The following MAGI1 variants were observed in gnomAD, a reference collection of about 807,000 sequenced individuals.
MAGI1 encodes membrane associated guanylate kinase, WW and PDZ domain containing 1.
MAGI1 carries 58 observed loss-of-function variants against 139.9 expected under a neutral mutation model. The ratio of observed to expected loss-of-function variants is 0.41; its 90% CI spans 0.34 to 0.52. The LOEUF is 0.52. MAGI1 is among the 20% of genes least tolerant of loss of function. The pLI, the probability that MAGI1 is intolerant of heterozygous loss-of-function variation, is 0.12. For missense variants in MAGI1, 1,874 were observed against 1,901.6 expected (o/e 0.99, Z 0.27); for synonymous variants, 812 against 737.9 (o/e 1.10, Z -1.63).
intron 3 of MAGI1, among the ~76,000 whole-genome samples, chr3:65,490,459 T>C (rs538201523): frequency 2.0e-4 from 31 of 152,246 alleles, no homozygotes; most frequent in Admixed American, 1.3e-3. Flanking sequence ...CCAGCCCTAC[T>C]CCGATGAGGG....
At chr3:65,573,935 C>T (rs768579266) in intron 2 of MAGI1, among the ~76,000 whole-genome samples, 8 of 152,030 alleles carry the variant, frequency 5.3e-5, no homozygotes, top group Non-Finnish European at 1.2e-4. Flanking sequence ...CTACTAATTA[C>T]TCAACTACCA....
chr3:65,753,189 G>C (rs2036290001), intron 1 of MAGI1, among the ~76,000 whole-genome samples: 1 of 152,076 alleles, frequency 6.6e-6, no homozygotes, highest in Non-Finnish European at 1.5e-5. Flanking sequence ...AACTGAAACT[G>C]AGTGCCCGAG....
At chr3:65,861,413 T>G (rs948347153) in intron 1 of MAGI1, among the ~76,000 whole-genome samples, 6 of 152,196 alleles carry the variant, frequency 3.9e-5, no homozygotes, top group Admixed American at 2.0e-4. Flanking sequence ...ACTTGGAGTT[T>G]GCAATCCCTG....
In MAGI1 at chr3:65,567,833, C is replaced by A. The variant is rs1371712895; in HGVS notation, c.430+54139G>T. ...CCTGGGTGACACATGGAGACTCTTT[C>A]TCCAAAAACAAAAACAACAAAAAAA... On this transcript the variant is annotated intron_variant, in intron 2 of 22. Transcript: ENST00000402939. 2.0e-5 allele frequency among the ~76,000 whole-genome samples: 3 copies of A among 152,146 alleles called. No individual in the cohort carries two copies. The East Asian group carries it at 5.8e-4, about 29-fold the overall frequency.
chr3:65,727,226 T>C (rs909108423), intron 1 of MAGI1, among the ~76,000 whole-genome samples: 19 of 152,326 alleles, frequency 1.2e-4, no homozygotes, highest in Non-Finnish European at 2.4e-4. Flanking sequence ...ATTCAACAAC[T>C]TATCTGACAG....
intron 1 of MAGI1, among the ~76,000 whole-genome samples, chr3:65,809,205 C>T (rs147108395): frequency 2.0e-5 from 3 of 152,298 alleles, no homozygotes; most frequent in East Asian, 1.9e-4. Flanking sequence ...CAGACAGTGA[C>T]GATGTGCTCT....
chr3:65,591,525 C>T lies in MAGI1; in HGVS notation c.430+30447G>A, dbSNP rs958015361. Among the ~76,000 whole-genome samples, 10 of 152,252 alleles carry T rather than the reference C, an allele frequency of 6.6e-5. No individual in the cohort carries two copies. In the South Asian group the frequency reaches 1.0e-3, roughly 16 times the overall value. ...TCAGTGCTCTCTGCTTCCGCTCCTT[C>T]GGAAAACCTCATCCTACTACCTTCA... On this transcript the variant is annotated intron_variant, in intron 2 of 22. Coordinates refer to ENST00000402939, the MANE Select transcript of MAGI1 (RefSeq NM_001033057.2).
At chr3:65,772,942 C>T (rs763240635) in intron 1 of MAGI1, among the ~76,000 whole-genome samples, 22 of 152,088 alleles carry the variant, frequency 1.4e-4, no homozygotes, top group Admixed American at 6.6e-5. Flanking sequence ...TGAAAGTTAC[C>T]AGGAAGCACA....
At chr3:65,989,056 A>G (rs2066031007) in intron 1 of MAGI1, among the ~76,000 whole-genome samples, 1 of 152,234 alleles carries the variant, frequency 6.6e-6, no homozygotes, top group South Asian at 2.1e-4. Context: ...CGAAGGACAG[A>G]GCCAAGAACC....
chr3:65,484,433 G>C (rs1951492194), intron 3 of MAGI1, among the ~76,000 whole-genome samples: 1 of 152,092 alleles, frequency 6.6e-6, no homozygotes, highest in Non-Finnish European at 1.5e-5. Flanking sequence ...TTTTCAACGG[G>C]GCAATATCAC....
intron 2 of MAGI1, among the ~76,000 whole-genome samples, chr3:65,617,693 G>A (rs1254826617): frequency 6.6e-6 from 1 of 152,062 alleles, no homozygotes; most frequent in Non-Finnish European, 1.5e-5. Flanking sequence ...TCAAGACTCT[G>A]ACCTTCCTTA....
At chr3:65,597,925 TGGG>T (rs57059846) in intron 2 of MAGI1, 7 of 396,934 alleles carry the variant, frequency 1.8e-5, no homozygotes, top group Middle Eastern at 5.5e-4. Context: ...GAGGCGGGGG[TGGG>T]GGGGGGGTGG....
intron 6 of MAGI1, chr3:65,452,520 T>C (rs1263395553): frequency 1.3e-5 from 2 of 151,944 alleles, no homozygotes; most frequent in African/African-American, 4.8e-5. Flanking sequence ...CAAAAAATAA[T>C]TTTGGTAGAA....
intron 2 of MAGI1, among the ~76,000 whole-genome samples, chr3:65,527,143 C>G (rs1297709415): frequency 6.6e-6 from 1 of 152,184 alleles, no homozygotes; most frequent in African/African-American, 2.4e-5. Context: ...AGAGGATGAG[C>G]AACAGCTCCT....
chr3:65,819,331 T>G (rs1234920680), intron 1 of MAGI1, among the ~76,000 whole-genome samples: 1 of 152,118 alleles, frequency 6.6e-6, no homozygotes, highest in Non-Finnish European at 1.5e-5. Flanking sequence ...ACAAGGCATA[T>G]GATCTCCCAG....
At chr3:65,797,444 C>T (rs1309842122) in intron 1 of MAGI1, among the ~76,000 whole-genome samples, 2 of 152,158 alleles carry the variant, frequency 1.3e-5, no homozygotes, top group Non-Finnish European at 2.9e-5. Context: ...AGAAACCGGC[C>T]AGGCACACTG....
At chr3:65,785,366 G>C (rs1451416934) in intron 1 of MAGI1, among the ~76,000 whole-genome samples, 1 of 152,128 alleles carries the variant, frequency 6.6e-6, no homozygotes, top group Non-Finnish European at 1.5e-5. Context: ...TGAGGTATTA[G>C]TATGTTTCAT....
At chr3:65,835,188 T>C (rs938071346) in intron 1 of MAGI1, among the ~76,000 whole-genome samples, 1 of 152,230 alleles carries the variant, frequency 6.6e-6, no homozygotes, top group African/African-American at 2.4e-5. Flanking sequence ...TTGTTCTGGG[T>C]TGCCTAAACT....
intron 1 of MAGI1, among the ~76,000 whole-genome samples, chr3:65,789,550 T>C (rs1022222728): frequency 6.6e-6 from 1 of 152,164 alleles, no homozygotes; most frequent in Non-Finnish European, 1.5e-5. Context: ...AGGCAGATGA[T>C]CACCAGAGAA....
Sources: gnomAD v4.1 joint callset for allele counts (sites outside exome capture counted in the v4.1 genomes callset) on GRCh38, gnomAD v4.1.1 for gene constraint, MANE v1.5 for transcripts, NCBI Gene and HGNC (gene_info 2026-07-23, HGNC 2026-07-21) for gene names.